The following CD200R1L variants were observed in gnomAD, a reference collection of about 807,000 sequenced individuals.
CD200R1L encodes the protein CD200 receptor 1 like, also known as cell surface glycoprotein CD200 receptor 2.
A neutral mutation model predicts 24.8 loss-of-function variants in CD200R1L; 14 were observed. The ratio of observed to expected loss-of-function variants is 0.56; its 90% confidence interval spans 0.37 to 0.88. The LOEUF (loss-of-function observed/expected upper bound fraction) is 0.88, where lower values mean the gene tolerates loss of function less well. Ranked by LOEUF, CD200R1L falls within the 40% of genes least tolerant of loss-of-function variation. The pLI is 0.00. For missense variants in CD200R1L, 299 were observed against 297.8 expected (o/e 1.00, Z -0.03); for synonymous variants, 111 against 109.2 (o/e 1.02, Z -0.11).
At position 112,845,793 on chromosome 3, in the gene CD200R1L, A is replaced by G; in HGVS notation, c.-201T>C. The G allele has an allele frequency of 7.8e-7, 1 of 1,281,944 alleles. No individual in the cohort carries two copies. The highest frequency in any genetic ancestry group is 1.1e-6 in the Non-Finnish European group (1 of 885,200). 79.4% of individuals were successfully genotyped at this position (1,281,944 alleles called of 1,614,324 possible). ...AAATCCACTTTAAATCAATCAACAGACTTGGTGAATCTGTTTCTCTTGGTC... is the reference window on the plus strand; with the variant it reads ...AAATCCACTTTAAATCAATCAACAGGCTTGGTGAATCTGTTTCTCTTGGTC... On this transcript the variant is annotated 5_prime_UTR_variant, in exon 2 of 8. Transcript: ENST00000488794.
At chr3:112,842,572 C>T (rs916674006) in intron 2 of CD200R1L, among the ~76,000 whole-genome samples, 12 of 151,892 alleles carry the variant, frequency 7.9e-5, no homozygotes, top group African/African-American at 1.7e-4. Context: ...CCTGCGGGGT[C>T]GGGCAAAAAG....
chr3:112,841,610 G>T (rs1336935738), intron 2 of CD200R1L, among the ~76,000 whole-genome samples: 2 of 152,168 alleles, frequency 1.3e-5, no homozygotes, highest in African/African-American at 4.8e-5. Flanking sequence ...GCTGGCAGAA[G>T]GAAAGGCTGC....
intron 6 of CD200R1L, among the ~76,000 whole-genome samples, chr3:112,820,132 T>C (rs183892098): frequency 1.4e-4 from 22 of 152,338 alleles, no homozygotes; most frequent in South Asian, 2.1e-4. Flanking sequence ...TCTGAACAAA[T>C]AAATGCACAC....
Position 112,827,396 on chromosome 3 carries a change from A to C in CD200R1L, c.338T>G (p.Phe113Cys), listed in dbSNP as rs762157344. The change falls in exon 5 of 8, where the codon TTC (phenylalanine) becomes TGC (cysteine). Residue 113 changes from phenylalanine (F) to cysteine (C), a missense_variant. Coordinates refer to ENST00000488794, the MANE Select transcript of CD200R1L (RefSeq NM_001199215.3). ...RGIVVTPDGN[F>C]HRGYHLQVLV... ...CACTTGGAGGTGATATCCACGATGG[A>C]AATTCCCATCAGGTGTTACCACTAT... 6 of 1,614,054 alleles carry C rather than the reference A, an allele frequency of 3.7e-6. No individual in the cohort carries two copies. The highest frequency in any genetic ancestry group is 5.1e-6 in the Non-Finnish European group (6 of 1,179,982).
At chr3:112,817,376 G>A (rs1938421786) in intron 7 of CD200R1L, among the ~76,000 whole-genome samples, 1 of 152,164 alleles carries the variant, frequency 6.6e-6, no homozygotes, top group Non-Finnish European at 1.5e-5. Flanking sequence ...AAGGCAGCTA[G>A]ACTACATTTT....
chr3:112,827,058 G>A lies in CD200R1L; in HGVS notation c.551C>T (p.Ser184Phe). The change falls in exon 6 of 8, where the codon TCT (serine) becomes TTT (phenylalanine). Residue 184 changes from serine to phenylalanine, a missense_variant. Ser to Phe is a radical substitution (Grantham distance 155). Transcript: ENST00000488794. ...KSTCPWEGHK[S>F]TVTCHVSHLT... is the part of the protein sequence containing the mutation. ...ATGGGAGACATGGCAGGTCACAGTA[G>A]ACTTGTGGCCCTCCCAGGGGCATGT... 6.2e-7 allele frequency: 1 copy of A among 1,602,002 alleles called. No individual in the cohort carries two copies. The highest frequency in any genetic ancestry group is 8.5e-7 in the Non-Finnish European group (1 of 1,173,088).
intron 2 of CD200R1L, among the ~76,000 whole-genome samples, chr3:112,839,264 A>G (rs1213611415): frequency 6.6e-6 from 1 of 152,208 alleles, no homozygotes; most frequent in Non-Finnish European, 1.5e-5. Context: ...AAAAGCACTA[A>G]TGACTATATT....
In CD200R1L at chr3:112,846,767, CT is replaced by C. The variant is rs1214802197; in HGVS notation, c.-502del. ...TTTTTTCTTCTTTTGCACTTCTTAG[CT>C]TTTTATGGTGTCCTTATAAAAAGAG... On this transcript the variant is annotated 5_prime_UTR_variant, in exon 1 of 8. Coordinates refer to ENST00000488794, the MANE Select transcript of CD200R1L (RefSeq NM_001199215.3). 1.3e-5 allele frequency: 2 copies of C among 152,108 alleles called. No homozygotes were observed. The highest frequency in any genetic ancestry group is 2.9e-5 in the Non-Finnish European group (2 of 68,026). The allele number at this position is 152,108 out of a possible 1,614,324, so 9.4% of individuals were successfully genotyped here.
intron 4 of CD200R1L, 73 bp from the exon 5 acceptor site, chr3:112,827,757 G>A: frequency 1.5e-6 from 2 of 1,355,988 alleles, no homozygotes; most frequent in South Asian, 2.8e-5. Flanking sequence ...TTTATCCACA[G>A]TATATTACAT....
chr3:112,838,106 G>T, intron 2 of CD200R1L, 96 bp from the exon 3 acceptor site: 1 of 343,990 alleles, frequency 2.9e-6, no homozygotes, highest in Non-Finnish European at 4.8e-6. Flanking sequence ...GATAATCACA[G>T]AAAACAACAT....
intron 7 of CD200R1L, among the ~76,000 whole-genome samples, chr3:112,819,554 A>G (rs1046445740): frequency 2.0e-5 from 3 of 152,326 alleles, no homozygotes; most frequent in African/African-American, 7.2e-5. Context: ...ACCACAATGA[A>G]GCACTTTCAC....
intron 7 of CD200R1L, among the ~76,000 whole-genome samples, chr3:112,817,335 A>G (rs370861152): frequency 5.1e-4 from 78 of 152,170 alleles, no homozygotes; most frequent in African/African-American, 1.8e-3. Context: ...ACTGGGCTAG[A>G]TGTTGCAGTG....
chr3:112,834,866 A>G (rs1338784022), intron 3 of CD200R1L, among the ~76,000 whole-genome samples: 2 of 152,218 alleles, frequency 1.3e-5, no homozygotes, highest in Non-Finnish European at 2.9e-5. Context: ...GCAAGGCTGC[A>G]GCTTGACAGG....
At chr3:112,830,314 T>C (rs1207394775) in intron 3 of CD200R1L, among the ~76,000 whole-genome samples, 2 of 152,068 alleles carry the variant, frequency 1.3e-5, no homozygotes. Context: ...GGTTTTCAGA[T>C]GGCTAGGGAT....
In CD200R1L at chr3:112,815,850, T is replaced by A; in HGVS notation, c.*113A>T. 1.4e-6 allele frequency: 1 copy of A among 728,472 alleles called. No homozygotes were observed. Among genetic ancestry groups the A allele is most frequent in the Non-Finnish European group, 2.5e-6 (1 of 397,008 alleles). The allele number at this position is 728,472 out of a possible 1,614,324, so 45.1% of individuals were successfully genotyped here. On this transcript the variant is annotated 3_prime_UTR_variant, in exon 8 of 8. Coordinates refer to ENST00000488794, the MANE Select transcript of CD200R1L (RefSeq NM_001199215.3). ...TTTTCTTCTATCCTACTGAGTGGCT[T>A]CTATCCTTAACATCATCCATGGCCC...
At chr3:112,845,013 A>G (rs1290246768) in intron 2 of CD200R1L, among the ~76,000 whole-genome samples, 1 of 152,172 alleles carries the variant, frequency 6.6e-6, no homozygotes, top group Non-Finnish European at 1.5e-5. Flanking sequence ...CAAAGCCAGC[A>G]GAAGAAAATA....
intron 4 of CD200R1L, among the ~76,000 whole-genome samples, chr3:112,828,817 G>C (rs888345206): frequency 9.2e-5 from 14 of 152,138 alleles, no homozygotes; most frequent in South Asian, 2.1e-4. Flanking sequence ...TTCTGCCGAA[G>C]TATCTGTCAC....
chr3:112,829,176 G>A (rs1559923081), intron 4 of CD200R1L, 143 bp downstream of exon 4: 1 of 605,742 alleles, frequency 1.7e-6, no homozygotes, highest in East Asian at 2.8e-5. Context: ...GGACATTCAG[G>A]GTCCTTCGTA....
At chr3:112,842,262 A>G (rs1317922968) in intron 2 of CD200R1L, among the ~76,000 whole-genome samples, 1 of 152,216 alleles carries the variant, frequency 6.6e-6, no homozygotes, top group Non-Finnish European at 1.5e-5. Flanking sequence ...CCCTGAATGG[A>G]GGGACCAGCT....
Sources: allele counts gnomAD v4.1 joint callset (sites outside exome capture counted in the v4.1 genomes callset), GRCh38; gene constraint gnomAD v4.1.1; transcripts MANE v1.5; gene names NCBI Gene and HGNC (gene_info 2026-07-23, HGNC 2026-07-21).